NPHP1: variants seen among roughly 807,000 people sequenced by gnomAD.
NPHP1 encodes nephrocystin 1.
Under a neutral mutation model 90.4 loss-of-function variants are expected in NPHP1, and 70 were observed. The observed-to-expected ratio is 0.77, with a 90% CI of 0.64 to 0.95. The LOEUF (loss-of-function observed/expected upper bound fraction) is 0.95, where lower values mean the gene tolerates loss of function less well. Ranked by LOEUF, NPHP1 falls within the 40% of genes least tolerant of loss-of-function variation. The pLI is 0.00. For missense variants in NPHP1, 764 were observed against 795.9 expected, an observed-to-expected ratio of 0.96 and a Z score of 0.48; for synonymous variants, 256 against 271.7, an observed-to-expected ratio of 0.94 and a Z score of 0.57.
intron 2 of NPHP1, among the ~76,000 whole-genome samples, chr2:110,199,925 T>A (rs1440689529): frequency 6.6e-6 from 1 of 152,170 alleles, no homozygotes; most frequent in Non-Finnish European, 1.5e-5. Flanking sequence ...CAATCTTCTT[T>A]TCATGCACAG....
intron 12 of NPHP1, among the ~76,000 whole-genome samples, chr2:110,149,836 C>T (rs924210289): frequency 1.3e-5 from 2 of 152,134 alleles, no homozygotes; most frequent in Non-Finnish European, 2.9e-5. Context: ...GTCCCTCAGG[C>T]GTCATCCCTG....
chr2:110,146,838 A>G lies in NPHP1; in HGVS notation c.1270-3T>C. 6.2e-7 allele frequency: 1 copy of G among 1,609,242 alleles called. No individual in the cohort carries two copies. Among genetic ancestry groups the G allele is most frequent in the Non-Finnish European group, 8.5e-7 (1 of 1,175,554 alleles). On this transcript the variant is annotated splice_region_variant and splice_polypyrimidine_tract_variant and intron_variant, in intron 13 of 19. Transcript: ENST00000445609. ...AACTCTCCTCTTTCACCAGTTGACTAGGAAATAAGACAAGTATATGAAACT... is the reference window on the plus strand; with the variant it reads ...AACTCTCCTCTTTCACCAGTTGACTGGGAAATAAGACAAGTATATGAAACT...
intron 6 of NPHP1, 117 bp downstream of exon 6, chr2:110,168,335 C>T (rs535728571): frequency 2.7e-6 from 2 of 728,640 alleles, no homozygotes; most frequent in Admixed American, 4.7e-5. Flanking sequence ...AAAATTAAAG[C>T]AAATTCTATA....
At chr2:110,147,012 A>C (rs997241870) in intron 13 of NPHP1, among the ~76,000 whole-genome samples, 177 bp from the exon 14 acceptor site, 3 of 152,146 alleles carry the variant, frequency 2.0e-5, no homozygotes, top group Non-Finnish European at 4.4e-5. Context: ...TCAGATATTA[A>C]AGGTAGTATA....
intron 8 of NPHP1, chr2:110,164,120 T>G: frequency 3.8e-6 from 1 of 264,168 alleles, no homozygotes; most frequent in South Asian, 4.5e-5. Context: ...CACTACAGCC[T>G]TGACTTCCCA....
intron 3 of NPHP1, among the ~76,000 whole-genome samples, chr2:110,179,403 G>A (rs939563518): frequency 4.6e-5 from 7 of 152,158 alleles, no homozygotes; most frequent in Admixed American, 4.6e-4. Context: ...TAGCAGGTGA[G>A]TTCATCAAAG....
intron 17 of NPHP1, among the ~76,000 whole-genome samples, chr2:110,131,382 A>AT (rs1679763158): frequency 6.6e-6 from 1 of 152,154 alleles, no homozygotes; most frequent in African/African-American, 2.4e-5. Flanking sequence ...GAAAAAACAG[A>AT]TTACTCAGAG....
chr2:110,193,453 G>A (rs926238499), intron 2 of NPHP1, among the ~76,000 whole-genome samples: 1 of 151,872 alleles, frequency 6.6e-6, no homozygotes, highest in East Asian at 1.9e-4. Flanking sequence ...ACAAGAAGAG[G>A]TAACTATCCT....
intron 4 of NPHP1, among the ~76,000 whole-genome samples, chr2:110,176,892 G>A (rs1334745264): frequency 2.0e-5 from 3 of 152,186 alleles, no homozygotes; most frequent in Non-Finnish European, 4.4e-5. Flanking sequence ...AGGCCTTGCA[G>A]GCATCATGCC....
chr2:110,198,371 G>A (rs1351567700), intron 2 of NPHP1, among the ~76,000 whole-genome samples: 2 of 152,088 alleles, frequency 1.3e-5, no homozygotes, highest in African/African-American at 4.8e-5. Context: ...GTTATATTGT[G>A]TAAATTAAAT....
intron 4 of NPHP1, among the ~76,000 whole-genome samples, chr2:110,171,510 G>T (rs955959422): frequency 2.0e-5 from 3 of 152,092 alleles, no homozygotes; most frequent in Non-Finnish European, 4.4e-5. Flanking sequence ...ATACCACAAT[G>T]ATCTAAAACA....
chr2:110,171,928 T>C (rs1683152633), intron 4 of NPHP1, among the ~76,000 whole-genome samples: 1 of 152,200 alleles, frequency 6.6e-6, no homozygotes, highest in African/African-American at 2.4e-5. Context: ...ATAAAATGAT[T>C]TGAAAGTGTT....
chr2:110,180,687 G>A (rs988605477), intron 2 of NPHP1, among the ~76,000 whole-genome samples: 1 of 151,936 alleles, frequency 6.6e-6, no homozygotes. Context: ...AAAAGCCAGG[G>A]AACAAGGGGA....
chr2:110,161,778 A>G, intron 9 of NPHP1, 81 bp from the exon 10 acceptor site: 1 of 1,020,932 alleles, frequency 9.8e-7, no homozygotes. Context: ...GCTATGAACT[A>G]GAGTACAGGC....
chr2:110,179,523 A>G (rs1293338670), intron 3 of NPHP1, 101 bp downstream of exon 3: 1 of 655,886 alleles, frequency 1.5e-6, no homozygotes, highest in Non-Finnish European at 2.8e-6. Context: ...TATATCACTA[A>G]CGTAAACCCA....
intron 16 of NPHP1, among the ~76,000 whole-genome samples, chr2:110,135,433 C>T (rs942570235): frequency 5.0e-5 from 7 of 139,222 alleles, no homozygotes; most frequent in Middle Eastern, 3.5e-3. Context: ...GCCGAGATTG[C>T]GCCACCGCAC....
At chr2:110,171,594 G>A (rs113982944) in intron 4 of NPHP1, among the ~76,000 whole-genome samples, 56 of 152,158 alleles carry the variant, frequency 3.7e-4, no homozygotes, top group African/African-American at 9.6e-4. Flanking sequence ...GATTTTCAAC[G>A]CGTCTCTTTC....
At chr2:110,154,037 C>T (rs1681701526) in intron 11 of NPHP1, among the ~76,000 whole-genome samples, 1 of 151,596 alleles carries the variant, frequency 6.6e-6, no homozygotes, top group East Asian at 1.9e-4. Flanking sequence ...TTCACTGTAT[C>T]CCCACCCAAA....
At chr2:110,163,460 T>C (rs1334407988) in intron 8 of NPHP1, 1 of 343,172 alleles carries the variant, frequency 2.9e-6, no homozygotes, top group Non-Finnish European at 5.6e-6. Context: ...AGTTAATGTC[T>C]ATTGGCAAAT....
Sources: allele counts gnomAD v4.1 joint callset (sites outside exome capture counted in the v4.1 genomes callset), GRCh38; gene constraint gnomAD v4.1.1; transcripts MANE v1.5; gene names NCBI Gene and HGNC (gene_info 2026-07-23, HGNC 2026-07-21).